CCNY: variants seen among roughly 807,000 people sequenced by gnomAD.
CCNY encodes cyclin-Y.
Under a neutral mutation model 42.8 loss-of-function variants are expected in CCNY, and 19 were observed. That is an observed-to-expected ratio of 0.44 (90% confidence interval 0.31 to 0.65). The LOEUF is 0.65. Among genes scored for constraint, CCNY ranks in the 30% least tolerant of loss-of-function variants. The pLI, the probability that CCNY is intolerant of heterozygous loss-of-function variation, is 0.07. For missense variants in CCNY, 370 were observed against 437.3 expected (o/e 0.85, Z 1.37); for synonymous variants, 165 against 162.7 (o/e 1.01, Z -0.11).
At chr10:35,292,289 C>T (rs966344457) in intron 3 of CCNY, among the ~76,000 whole-genome samples, 6 of 152,000 alleles carry the variant, frequency 3.9e-5, no homozygotes, top group Admixed American at 6.6e-5. Context: ...GGATTTTTCT[C>T]CCTATTTTGT....
intron 3 of CCNY, among the ~76,000 whole-genome samples, chr10:35,311,673 G>A (rs1835684539): frequency 7.0e-6 from 1 of 142,492 alleles, no homozygotes; most frequent in African/African-American, 2.5e-5. Context: ...GGGAGACCCC[G>A]TCCCCCCCAC....
chr10:35,496,548 G>T lies in CCNY; in HGVS notation c.230-4953G>T, dbSNP rs546054093. Among the ~76,000 whole-genome samples, 6 of 152,260 alleles carry T rather than the reference G, an allele frequency of 3.9e-5. No homozygotes were observed. In the South Asian group the frequency reaches 1.0e-3, roughly 26 times the overall value. On this transcript the variant is annotated intron_variant, in intron 2 of 9. Coordinates refer to ENST00000374704, the MANE Select transcript of CCNY (RefSeq NM_145012.6). ...GGTCTATTTTAGAAATGGAAGAGGA[G>T]AGTCAGGTGCGGTGGCTCATACCTG...
chr10:35,483,961 T>C (rs906626238), intron 2 of CCNY, among the ~76,000 whole-genome samples: 6 of 152,194 alleles, frequency 3.9e-5, no homozygotes, highest in South Asian at 2.1e-4. Flanking sequence ...TCTATAATAA[T>C]AACAACCATA....
chr10:35,277,436 G>A (rs919555192), intron 3 of CCNY, among the ~76,000 whole-genome samples: 1 of 152,124 alleles, frequency 6.6e-6, no homozygotes, highest in Non-Finnish European at 1.5e-5. Context: ...ACCTGCTGAG[G>A]CCGAGAATTC....
chr10:35,318,240 A>C (rs1835783144), intron 3 of CCNY, among the ~76,000 whole-genome samples: 2 of 151,918 alleles, frequency 1.3e-5, no homozygotes, highest in South Asian at 4.1e-4. Flanking sequence ...ATAAATAAAT[A>C]AATAAATAAA....
At chr10:35,300,030 C>G (rs1038763194) in intron 3 of CCNY, among the ~76,000 whole-genome samples, 3 of 152,192 alleles carry the variant, frequency 2.0e-5, no homozygotes, top group Non-Finnish European at 4.4e-5. Flanking sequence ...AGTATCCTTT[C>G]GAGGTCTTTA....
intron 1 of CCNY, among the ~76,000 whole-genome samples, chr10:35,359,509 A>T (rs1048337044): frequency 2.3e-3 from 349 of 151,444 alleles, no homozygotes; most frequent in African/African-American, 8.0e-3. Flanking sequence ...TATTATTATT[A>T]TTATTTTTTT....
At chr10:35,370,155 T>G (rs1459257947) in intron 1 of CCNY, among the ~76,000 whole-genome samples, 1 of 125,226 alleles carries the variant, frequency 8.0e-6, no homozygotes, top group Non-Finnish European at 1.7e-5. Flanking sequence ...CATATCCATG[T>G]TTTTTTTTTT....
chr10:35,247,892 G>A (rs1225884256), intron 1 of CCNY, among the ~76,000 whole-genome samples: 44 of 106,602 alleles, frequency 4.1e-4, no homozygotes, highest in African/African-American at 6.3e-4. Context: ...AAAAAAAAAA[G>A]AAAAGAAAAG....
At chr10:35,405,557 C>A (rs944136606) in intron 1 of CCNY, among the ~76,000 whole-genome samples, 10 of 152,028 alleles carry the variant, frequency 6.6e-5, no homozygotes, top group African/African-American at 2.4e-4. Context: ...AAGTTGGCAC[C>A]AGAATTGGGG....
chr10:35,252,621 G>A (rs2095712782), intron 3 of CCNY, among the ~76,000 whole-genome samples: 1 of 150,154 alleles, frequency 6.7e-6, no homozygotes, highest in African/African-American at 2.5e-5. Context: ...TTGCATTGAG[G>A]TATGAAAAAT....
chr10:35,483,208 T>A (rs1337788739), intron 1 of CCNY, among the ~76,000 whole-genome samples, 196 bp from the exon 2 acceptor site: 9 of 152,220 alleles, frequency 5.9e-5, no homozygotes, highest in Non-Finnish European at 1.2e-4. Context: ...ACTGTCTAAT[T>A]TTTATGTATG....
intron 1 of CCNY, among the ~76,000 whole-genome samples, chr10:35,476,258 T>C (rs1001282660): frequency 3.3e-5 from 5 of 152,140 alleles, no homozygotes; most frequent in African/African-American, 1.2e-4. Context: ...ACCCAGGAAT[T>C]GAACTCGGCT....
intron 1 of CCNY, among the ~76,000 whole-genome samples, chr10:35,400,916 T>C (rs554552804): frequency 6.6e-6 from 1 of 152,344 alleles, no homozygotes; most frequent in African/African-American, 2.4e-5. Flanking sequence ...CATTGAACTA[T>C]TATCTTAATG....
At chr10:35,363,192 A>T (rs1270029701) in intron 1 of CCNY, among the ~76,000 whole-genome samples, 10 of 137,594 alleles carry the variant, frequency 7.3e-5, no homozygotes, top group Admixed American at 6.4e-4. Flanking sequence ...ACGGGGCGGC[A>T]GCTGGGCAGA....
chr10:35,378,064 T>G (rs1049872423), intron 1 of CCNY, among the ~76,000 whole-genome samples: 5 of 152,236 alleles, frequency 3.3e-5, no homozygotes, highest in Admixed American at 3.3e-4. Context: ...TTATTAAAGG[T>G]TAGTTGCACT....
At chr10:35,323,905 C>T (rs188516283) in intron 3 of CCNY, among the ~76,000 whole-genome samples, 9 of 151,730 alleles carry the variant, frequency 5.9e-5, no homozygotes, top group Non-Finnish European at 7.4e-5. Context: ...CTGTAGTCCT[C>T]GCTACTCAGG....
intron 1 of CCNY, among the ~76,000 whole-genome samples, chr10:35,357,388 G>A (rs570714443): frequency 6.6e-6 from 1 of 152,326 alleles, no homozygotes; most frequent in Admixed American, 6.5e-5. Flanking sequence ...TTAGCATATA[G>A]TAGTTCTCAG....
At chr10:35,397,415 C>T (rs1455021694) in intron 1 of CCNY, among the ~76,000 whole-genome samples, 1 of 152,194 alleles carries the variant, frequency 6.6e-6, no homozygotes, top group Non-Finnish European at 1.5e-5. Context: ...CTTCCTTCCC[C>T]CCTTATCTCT....
Sources: gnomAD v4.1 joint callset for allele counts (sites outside exome capture counted in the v4.1 genomes callset) on GRCh38, gnomAD v4.1.1 for gene constraint, MANE v1.5 for transcripts, NCBI Gene and HGNC (gene_info 2026-07-23, HGNC 2026-07-21) for gene names.